The following CALB2 variants were observed in gnomAD, a reference collection of about 807,000 sequenced individuals.
CALB2 encodes the protein calretinin.
A neutral mutation model predicts 45.9 loss-of-function variants in CALB2; 34 were observed. The observed-to-expected ratio is 0.74, with a 90% CI of 0.56 to 0.99. The LOEUF (loss-of-function observed/expected upper bound fraction) is 0.99, where lower values mean the gene tolerates loss of function less well. Ranked by LOEUF, CALB2 falls within the 50% of genes least tolerant of loss-of-function variation. The probability of loss-of-function intolerance (pLI) is 0.00; values close to 1 mark genes in which losing one functional copy is unlikely to be tolerated. For synonymous variants in CALB2, 142 were observed against 129.6 expected (o/e 1.10, Z -0.65); for missense variants, 344 against 339.3 (o/e 1.01, Z -0.11).
intron 1 of CALB2, among the ~76,000 whole-genome samples, chr16:71,366,936 G>A (rs1049694990): frequency 6.6e-6 from 1 of 151,932 alleles, no homozygotes; most frequent in Non-Finnish European, 1.5e-5. Flanking sequence ...TAGAGCAGGC[G>A]GTAGAATTAT....
At chr16:71,371,024 C>T (rs541212525) in intron 1 of CALB2, among the ~76,000 whole-genome samples, 2 of 152,306 alleles carry the variant, frequency 1.3e-5, no homozygotes, top group African/African-American at 4.8e-5. Flanking sequence ...ACCTTAGGCA[C>T]GGGTTCTGGT....
rs770265641 is a variant in CALB2 at position 71,358,892 on chromosome 16, T to C, written c.94+6T>C. ...GAAGCACTTTGACGCAGACGGTCAG[T>C]AAAGCTCCCAACTTCTGTGCCCATT... On this transcript the variant is annotated splice_donor_region_variant and intron_variant, in intron 1 of 10. Coordinates refer to ENST00000302628, the MANE Select transcript of CALB2 (RefSeq NM_001740.5). 6.2e-7 allele frequency: 1 copy of C among 1,611,880 alleles called. No individual in the cohort carries two copies. The highest frequency in any genetic ancestry group is 8.5e-7 in the Non-Finnish European group (1 of 1,179,068).
rs35060794 is a variant in CALB2, at chr16:71,387,486, T to A, written c.699+1838T>A. On this transcript the variant is annotated intron_variant, in intron 10 of 10. Transcript: ENST00000302628. ...CTTTTTTTTTTTTTGTAAACCCACA[T>A]AGATGCACGCATTCCATTTGGATGG... is the stretch of plus-strand genomic sequence containing the variant. 4.4e-4 allele frequency among the ~76,000 whole-genome samples: 67 copies of A among 150,668 alleles called. No individual in the cohort carries two copies. The East Asian group carries it at 7.2e-3, about 16-fold the overall frequency.
intron 2 of CALB2, among the ~76,000 whole-genome samples, chr16:71,373,637 A>G (rs2042378649): frequency 6.6e-6 from 1 of 152,168 alleles, no homozygotes; most frequent in South Asian, 2.1e-4. Flanking sequence ...AGTAGAAAGA[A>G]TATTGGCCTT....
intron 1 of CALB2, among the ~76,000 whole-genome samples, chr16:71,368,398 A>G (rs2042311032): frequency 6.6e-6 from 1 of 152,208 alleles, no homozygotes; most frequent in Admixed American, 6.5e-5. Flanking sequence ...CGTCCAAGCT[A>G]CTTGGGAGGC....
intron 1 of CALB2, among the ~76,000 whole-genome samples, chr16:71,365,749 A>G: frequency 6.6e-6 from 1 of 151,966 alleles, no homozygotes; most frequent in Non-Finnish European, 1.5e-5. Flanking sequence ...CTCCACTTTA[A>G]TAAGTGGAGA....
intron 1 of CALB2, among the ~76,000 whole-genome samples, chr16:71,365,439 T>C (rs1598159513): frequency 6.6e-6 from 1 of 152,220 alleles, no homozygotes; most frequent in East Asian, 1.9e-4. Flanking sequence ...ACTCAGATTC[T>C]GTAGTCCTTA....
rs560749868 is a variant in CALB2, at chr16:71,386,367, AAGAG to A, written c.699+723_699+726del. On this transcript the variant is annotated intron_variant, in intron 10 of 10. Transcript: ENST00000302628. Reference sequence around the variant, plus strand: ...CAACCAAAAAAACACTTTCCACACAAAGAGAGATTCTGGAGGACAGAGGCCAGTG... The same window carrying A: ...CAACCAAAAAAACACTTTCCACACAAAGATTCTGGAGGACAGAGGCCAGTG... Among the ~76,000 whole-genome samples the A allele has an allele frequency of 4.9e-3, 739 of 152,340 alleles. 3 individuals are homozygous for A. The highest frequency in any genetic ancestry group is 0.017 in the African/African-American group (700 of 41,568).
chr16:71,362,977 C>T (rs1385671365), intron 1 of CALB2, among the ~76,000 whole-genome samples: 2 of 152,230 alleles, frequency 1.3e-5, no homozygotes, highest in Non-Finnish European at 2.9e-5. Flanking sequence ...GCCAGGAGTT[C>T]GAGACCAGCT....
chr16:71,365,803 G>A (rs2042278150), intron 1 of CALB2, among the ~76,000 whole-genome samples: 1 of 151,824 alleles, frequency 6.6e-6, no homozygotes, highest in Non-Finnish European at 1.5e-5. Context: ...GAGACATGCT[G>A]CTCTGAAGCG....
chr16:71,369,456 A>G (rs971300632), intron 1 of CALB2, among the ~76,000 whole-genome samples: 1 of 152,206 alleles, frequency 6.6e-6, no homozygotes, highest in Non-Finnish European at 1.5e-5. Flanking sequence ...GACCTGGTGC[A>G]AAACAGGGCT....
At chr16:71,366,190 C>T (rs1029644004) in intron 1 of CALB2, among the ~76,000 whole-genome samples, 1 of 150,604 alleles carries the variant, frequency 6.6e-6, no homozygotes, top group African/African-American at 2.4e-5. Flanking sequence ...CCACGCCCGG[C>T]TAATTTTTTG....
intron 4 of CALB2, among the ~76,000 whole-genome samples, chr16:71,378,703 A>G (rs954196120): frequency 6.6e-6 from 1 of 152,212 alleles, no homozygotes; most frequent in African/African-American, 2.4e-5. Flanking sequence ...CACTGTGTAC[A>G]TGCATCTCTC....
intron 1 of CALB2, among the ~76,000 whole-genome samples, chr16:71,360,102 G>A (rs2042224192): frequency 6.6e-6 from 1 of 152,216 alleles, no homozygotes; most frequent in Non-Finnish European, 1.5e-5. Context: ...GTTTATCCTG[G>A]GGTCTGAGAG....
chr16:71,379,139 TGGTGGTGCA>T (rs2042454042), intron 4 of CALB2, among the ~76,000 whole-genome samples: 1 of 151,982 alleles, frequency 6.6e-6, no homozygotes, highest in East Asian at 1.9e-4. Flanking sequence ...TAGCTGGGCA[TGGTGGTGCA>T]TGCCTGTAAT....
intron 2 of CALB2, 66 bp from the exon 3 acceptor site, chr16:71,374,679 C>G: frequency 8.9e-7 from 1 of 1,119,556 alleles, no homozygotes; most frequent in Non-Finnish European, 1.4e-6. Flanking sequence ...TCCAAGCTTC[C>G]TGCTCTGAGA....
At chr16:71,386,956 G>T (rs1190980167) in intron 10 of CALB2, among the ~76,000 whole-genome samples, 1 of 152,202 alleles carries the variant, frequency 6.6e-6, no homozygotes, top group East Asian at 1.9e-4. Flanking sequence ...GAAGAAGGAA[G>T]TACTCACCAG....
At chr16:71,381,175 T>C (rs1406072759) in intron 4 of CALB2, among the ~76,000 whole-genome samples, 1 of 152,228 alleles carries the variant, frequency 6.6e-6, no homozygotes, top group Non-Finnish European at 1.5e-5. Flanking sequence ...TTAGACAAAC[T>C]AAACTGTAAT....
intron 9 of CALB2, 108 bp downstream of exon 9, chr16:71,384,944 C>A: frequency 2.2e-6 from 2 of 925,964 alleles, no homozygotes; most frequent in South Asian, 1.4e-5. Context: ...GTGGCCTGGG[C>A]CGTGTGGTTT....
Sources: allele counts gnomAD v4.1 joint callset (sites outside exome capture counted in the v4.1 genomes callset), GRCh38; gene constraint gnomAD v4.1.1; transcripts MANE v1.5; gene names NCBI Gene and HGNC (gene_info 2026-07-23, HGNC 2026-07-21).